AFF2: variants seen among roughly 807,000 people sequenced by gnomAD.
AFF2 encodes the protein ALF transcription elongation factor 2, also known as AF4/FMR2 family member 2.
A neutral mutation model predicts 76.9 loss-of-function variants in AFF2; 14 were observed. The ratio of observed to expected loss-of-function variants is 0.18; its 90% CI spans 0.12 to 0.28. The LOEUF (loss-of-function observed/expected upper bound fraction) is 0.28, where lower values mean the gene tolerates loss of function less well. Ranked by LOEUF, AFF2 falls within the 10% of genes least tolerant of loss-of-function variation. AFF2 has a pLI of 1.00. For missense variants in AFF2, 868 were observed against 1,001.1 expected, an observed-to-expected ratio of 0.87 and a Z score of 1.79; for synonymous variants, 398 against 366.7, an observed-to-expected ratio of 1.09 and a Z score of -0.98.
chrX:148,673,886 T>G (rs940567457), intron 3 of AFF2, among the ~76,000 whole-genome samples: 12 of 112,387 alleles, frequency 1.1e-4, no homozygotes, highest in Non-Finnish European at 2.1e-4. Flanking sequence ...AAAATATAAT[T>G]GTGCAAAAAT....
intron 1 of AFF2, among the ~76,000 whole-genome samples, chrX:148,532,871 T>C (rs1481289445): frequency 8.9e-6 from 1 of 112,169 alleles, no homozygotes; most frequent in Non-Finnish European, 1.9e-5. Context: ...TGTGTGTGTG[T>C]GTATGTATTT....
At chrX:148,614,688 CTT>C (rs1429055836) in intron 1 of AFF2, among the ~76,000 whole-genome samples, 16 of 71,048 alleles carry the variant, frequency 2.3e-4, no homozygotes, top group Non-Finnish European at 2.6e-5. Context: ...TTCTTTCCTT[CTT>C]TCTTTTCTTT....
chrX:148,953,693 C>T lies in AFF2; in HGVS notation c.1511C>T (p.Thr504Ile). 1 of 1,210,701 alleles carries T rather than the reference C, an allele frequency of 8.3e-7. No homozygotes were observed. The highest frequency in any genetic ancestry group is 1.1e-6 in the Non-Finnish European group (1 of 895,159). Residue 504 changes from threonine to isoleucine, a missense_variant, in exon 10 of 21, where the codon ACC becomes ATC. Physicochemically the swap from Thr to Ile is moderately conservative, Grantham distance 89. This residue lies in a region of AFF2 where 532 missense variants were observed against 564.2 expected (regional missense o/e 0.94). Coordinates refer to ENST00000370460, the MANE Select transcript of AFF2 (RefSeq NM_002025.4). Reference protein sequence around the residue: ...SESDSDTESSTTDSESNEAPR... With the variant: ...SESDSDTESSITDSESNEAPR... ...TCGGATTCAGACACTGAAAGTAGCA[C>T]CACTGACAGCGAATCTAATGAGGCA...
chrX:148,522,370 A>G (rs1366036596), intron 1 of AFF2, among the ~76,000 whole-genome samples: 1 of 112,258 alleles, frequency 8.9e-6, no homozygotes, highest in African/African-American at 3.2e-5. Flanking sequence ...TTCACATTAT[A>G]TGTGTATTTT....
intron 3 of AFF2, among the ~76,000 whole-genome samples, chrX:148,799,360 G>A (rs2070027710): frequency 1.8e-5 from 2 of 111,487 alleles, no homozygotes; most frequent in African/African-American, 6.5e-5. Flanking sequence ...CATCATCATG[G>A]TAATCAAACT....
chrX:148,991,153 G>A (rs2072529098), intron 20 of AFF2, 58 bp from the exon 21 acceptor site: 1 of 1,103,991 alleles, frequency 9.1e-7, no homozygotes, highest in Non-Finnish European at 1.2e-6. Flanking sequence ...TTCTCAATGT[G>A]GTGCATATTT....
chrX:148,985,580 C>G (rs949824560), intron 19 of AFF2, among the ~76,000 whole-genome samples: 18 of 110,529 alleles, frequency 1.6e-4, no homozygotes, highest in African/African-American at 5.6e-4. Flanking sequence ...ATGACTAACA[C>G]TGGGGAAAAA....
At chrX:148,750,888 A>T (rs1352207114) in intron 3 of AFF2, among the ~76,000 whole-genome samples, 1 of 111,693 alleles carries the variant, frequency 9.0e-6, no homozygotes, top group Non-Finnish European at 1.9e-5. Flanking sequence ...CTTGCCTTGC[A>T]TTGTCATTCT....
At chrX:148,650,506 T>G (rs2054192823) in intron 1 of AFF2, among the ~76,000 whole-genome samples, 1 of 112,125 alleles carries the variant, frequency 8.9e-6, no homozygotes, top group African/African-American at 3.2e-5. Flanking sequence ...TACTCATGAA[T>G]GGTCCAGTGA....
intron 7 of AFF2, among the ~76,000 whole-genome samples, chrX:148,855,853 A>G (rs782189394): frequency 8.9e-6 from 1 of 112,190 alleles, no homozygotes; most frequent in East Asian, 2.8e-4. Flanking sequence ...ATACGATTAA[A>G]TGATTGAAGT....
intron 1 of AFF2, among the ~76,000 whole-genome samples, chrX:148,528,993 A>C (rs1177508907): frequency 8.9e-6 from 1 of 112,217 alleles, no homozygotes; most frequent in Admixed American, 9.5e-5. Context: ...CTTAAGAAAC[A>C]TCTTCTGTTT....
In AFF2 at chrX:148,996,722, G is replaced by T. The variant is rs1557293251; in HGVS notation, c.*5390G>T. ...AGGTTTTAAGCAGGAGAATAGCTGA[G>T]AAGAATGAAGCCCTCCTGAGCTGAA... On this transcript the variant is annotated 3_prime_UTR_variant, in exon 21 of 21. Coordinates refer to ENST00000370460, the MANE Select transcript of AFF2 (RefSeq NM_002025.4). The T allele has an allele frequency of 8.9e-6, 1 of 112,206 alleles. No individual in the cohort carries two copies. The highest frequency in any genetic ancestry group is 2.8e-4 in the East Asian group (1 of 3,562). The allele number at this position is 112,206 out of a possible 1,213,427, so 9.2% of individuals were successfully genotyped here. A position where few individuals can be genotyped will look rare whatever the true frequency, so the allele number is the denominator to read the frequency against.
At chrX:148,772,848 TAAAG>T (rs1482552472) in intron 3 of AFF2, among the ~76,000 whole-genome samples, 1 of 110,962 alleles carries the variant, frequency 9.0e-6, no homozygotes, top group East Asian at 2.8e-4. Context: ...CAACCATTGA[TAAAG>T]AAGCAACTCA....
In AFF2 at chrX:148,992,694, C is replaced by T. The variant is rs2072546756; in HGVS notation, c.*1362C>T. 8 of 111,996 alleles carry T rather than the reference C, an allele frequency of 7.1e-5. No individual in the cohort carries two copies. The Admixed American group carries it at 7.6e-4, about 11-fold the overall frequency. The allele number at this position is 111,996 out of a possible 1,213,427, so 9.2% of individuals were successfully genotyped here. ...GCCCTAAACATTGGGAACCATTCAC[C>T]TAATTTGGAGACATTTCTCACTGGT... is the stretch of plus-strand genomic sequence containing the variant. On this transcript the variant is annotated 3_prime_UTR_variant, in exon 21 of 21. Transcript: ENST00000370460.
At chrX:148,983,964 A>AAAAAAAAAAAAAAAAC (rs2072429880) in intron 19 of AFF2, among the ~76,000 whole-genome samples, 1 of 102,225 alleles carries the variant, frequency 9.8e-6, no homozygotes, top group Non-Finnish European at 2.0e-5. Context: ...AAAAAAAAAA[A>AAAAAAAAAAAAAAAAC]AAAACTGCCC....
At chrX:148,943,492 G>T (rs1419367750) in intron 9 of AFF2, among the ~76,000 whole-genome samples, 10 of 112,078 alleles carry the variant, frequency 8.9e-5, no homozygotes, top group Non-Finnish European at 1.7e-4. Context: ...ATTGCCTCTA[G>T]CTTGACAGTG....
intron 1 of AFF2, among the ~76,000 whole-genome samples, chrX:148,589,518 G>A: frequency 8.9e-6 from 1 of 112,552 alleles, no homozygotes; most frequent in East Asian, 2.8e-4. Flanking sequence ...GGTATGTTAT[G>A]AGTTTTGAAA....
intron 2 of AFF2, among the ~76,000 whole-genome samples, chrX:148,652,831 A>G (rs2054215645): frequency 8.9e-6 from 1 of 111,856 alleles, no homozygotes; most frequent in Non-Finnish European, 1.9e-5. Context: ...GACTGGGAAG[A>G]GATTATGATG....
intron 7 of AFF2, among the ~76,000 whole-genome samples, chrX:148,873,607 G>A (rs1291893301): frequency 9.2e-6 from 1 of 108,990 alleles, no homozygotes; most frequent in Non-Finnish European, 1.9e-5. Flanking sequence ...CACTTGAACA[G>A]AGAAAATACC....
Sources: gnomAD v4.1 joint callset for allele counts (sites outside exome capture counted in the v4.1 genomes callset) on GRCh38, gnomAD v4.1.1 for gene constraint, gnomAD v4.1.1 regional missense constraint, MANE v1.5 for transcripts, NCBI Gene and HGNC (gene_info 2026-07-23, HGNC 2026-07-21) for gene names.